The following CENPP variants were observed in gnomAD, a reference collection of about 807,000 sequenced individuals.
CENPP encodes the protein centromere protein P.
A neutral mutation model predicts 35.6 loss-of-function variants in CENPP; 24 were observed. The observed-to-expected ratio is 0.67, with a 90% CI of 0.49 to 0.95. The LOEUF (loss-of-function observed/expected upper bound fraction) is 0.95. CENPP is among the 40% of genes least tolerant of loss of function. The pLI, the probability that CENPP is intolerant of heterozygous loss-of-function variation, is 0.00. For synonymous variants in CENPP, 120 were observed against 125.5 expected (o/e 0.96, Z 0.29); for missense variants, 332 against 345.3 (o/e 0.96, Z 0.31).
chr9:92,337,334 A>C (rs1840962985), intron 2 of CENPP, among the ~76,000 whole-genome samples: 2 of 152,168 alleles, frequency 1.3e-5, no homozygotes. Flanking sequence ...AAAAAAAAGA[A>C]AACTAGAAAC....
At chr9:92,580,252 T>C (rs1378330722) in intron 5 of CENPP, among the ~76,000 whole-genome samples, 1 of 152,102 alleles carries the variant, frequency 6.6e-6, no homozygotes, top group African/African-American at 2.4e-5. Flanking sequence ...AGGATATTGG[T>C]CTAAAATTCT....
Position 92,571,907 on chromosome 9 carries a change from C to CTTTTTTTTTT in CENPP, c.565-39399_565-39390dup, listed in dbSNP as rs145507230. Among the ~76,000 whole-genome samples, 2 of 127,140 alleles carry CTTTTTTTTTT rather than the reference C, an allele frequency of 1.6e-5. 1 individual carries two copies. Among genetic ancestry groups the CTTTTTTTTTT allele is most frequent in the African/African-American group, 6.2e-5 (2 of 32,316 alleles). The allele number at this position is 127,140 out of a possible 152,430, so 83.4% of individuals were successfully genotyped here. A position where few individuals can be genotyped will look rare whatever the true frequency, so the allele number is the denominator to read the frequency against. ...ATCAGCAACTAGGATTGCAACTCCTCTTTTTTTTTTTTTTTTTGTTTTCCA... is the reference window on the plus strand; with the variant it reads ...ATCAGCAACTAGGATTGCAACTCCTCTTTTTTTTTTTTTTTTTTTTTTTTTTTGTTTTCCA... On this transcript the variant is annotated intron_variant, in intron 5 of 7. Transcript: ENST00000375587.
intron 5 of CENPP, among the ~76,000 whole-genome samples, chr9:92,602,794 G>A (rs552802896): frequency 6.7e-5 from 10 of 148,472 alleles, no homozygotes; most frequent in Admixed American, 1.3e-4. Flanking sequence ...CATTCTCCTC[G>A]TATACTGTTT....
intron 5 of CENPP, among the ~76,000 whole-genome samples, chr9:92,592,010 A>T (rs897980844): frequency 1.3e-5 from 2 of 152,162 alleles, no homozygotes; most frequent in Non-Finnish European, 2.9e-5. Context: ...ATATGTAACT[A>T]ACCTGCACAT....
At chr9:92,459,198 GTCTA>G (rs1845000668) in intron 5 of CENPP, among the ~76,000 whole-genome samples, 1 of 152,176 alleles carries the variant, frequency 6.6e-6, no homozygotes, top group African/African-American at 2.4e-5. Flanking sequence ...AAATATACAT[GTCTA>G]TCCTAGCACC....
intron 5 of CENPP, among the ~76,000 whole-genome samples, chr9:92,459,014 T>C (rs1244583469): frequency 6.6e-6 from 1 of 152,210 alleles, no homozygotes; most frequent in Non-Finnish European, 1.5e-5. Context: ...TCTAAATCTT[T>C]ATTAGATTCT....
rs894861664 is a variant in CENPP, at chr9:92,358,086, G to C, written c.467+12299G>C. Among the ~76,000 whole-genome samples the C allele has an allele frequency of 4.6e-5, 7 of 150,966 alleles. No homozygotes were observed. In the East Asian group the frequency reaches 1.4e-3, roughly 29 times the overall value. On this transcript the variant is annotated intron_variant, in intron 4 of 7. Transcript: ENST00000375587. ...CATCTTGGAGTTCTTTGAGTCTCTT[G>C]GATGTTTTATATTCATATCTTTCAT...
chr9:92,419,177 C>A (rs1413141588), intron 5 of CENPP, among the ~76,000 whole-genome samples: 1 of 151,930 alleles, frequency 6.6e-6, no homozygotes, highest in African/African-American at 2.4e-5. Flanking sequence ...AGATGAGAAG[C>A]CTGAAACCTA....
chr9:92,434,477 A>G (rs190132822), intron 5 of CENPP, among the ~76,000 whole-genome samples: 1 of 152,320 alleles, frequency 6.6e-6, no homozygotes, highest in African/African-American at 2.4e-5. Context: ...TGCATGCTGA[A>G]AACTGCAAAC....
At chr9:92,537,447 G>A (rs1324975729) in intron 5 of CENPP, among the ~76,000 whole-genome samples, 1 of 152,124 alleles carries the variant, frequency 6.6e-6, no homozygotes, top group Non-Finnish European at 1.5e-5. Flanking sequence ...GATCACCTGA[G>A]GTTAGGAGTT....
At chr9:92,359,052 C>T (rs571402338) in intron 4 of CENPP, among the ~76,000 whole-genome samples, 7 of 150,124 alleles carry the variant, frequency 4.7e-5, no homozygotes, top group South Asian at 2.1e-4. Context: ...CAGGTTCAAG[C>T]GATTCTCCTG....
At chr9:92,513,939 A>C (rs1473183944) in intron 5 of CENPP, among the ~76,000 whole-genome samples, 1 of 152,234 alleles carries the variant, frequency 6.6e-6, no homozygotes, top group African/African-American at 2.4e-5. Context: ...ATTTTTAAGA[A>C]ACATCAGTAG....
At chr9:92,381,203 C>A (rs559309471) in intron 5 of CENPP, among the ~76,000 whole-genome samples, 11 of 152,244 alleles carry the variant, frequency 7.2e-5, no homozygotes, top group Admixed American at 2.6e-4. Context: ...ATTCTAGGTA[C>A]CTCATATATG....
chr9:92,426,480 CTG>C (rs1843970454), intron 5 of CENPP, among the ~76,000 whole-genome samples: 1 of 152,080 alleles, frequency 6.6e-6, no homozygotes, highest in Non-Finnish European at 1.5e-5. Context: ...GTGAAAGTCT[CTG>C]TTATAGAGAA....
At chr9:92,486,782 A>AT (rs5899162) in intron 5 of CENPP, among the ~76,000 whole-genome samples, 4,934 of 138,680 alleles carry the variant, frequency 0.036, 122 homozygotes, top group South Asian at 0.083. Flanking sequence ...GCATGTGTCA[A>AT]TTTTTTTTTT....
intron 5 of CENPP, among the ~76,000 whole-genome samples, chr9:92,535,538 T>C (rs1328684006): frequency 1.3e-5 from 2 of 152,278 alleles, no homozygotes; most frequent in East Asian, 3.8e-4. Context: ...TTTAAAAATA[T>C]TAATTTAGAA....
intron 5 of CENPP, among the ~76,000 whole-genome samples, chr9:92,391,422 T>A (rs933918902): frequency 1.3e-4 from 19 of 150,710 alleles, no homozygotes; most frequent in South Asian, 4.2e-4. Context: ...ATAAATAAAT[T>A]AAATTAAATT....
At chr9:92,480,966 T>C (rs543843099) in intron 5 of CENPP, among the ~76,000 whole-genome samples, 6 of 152,350 alleles carry the variant, frequency 3.9e-5, no homozygotes, top group African/African-American at 1.4e-4. Flanking sequence ...CCTTAAAAAG[T>C]AGTTAATTTT....
chr9:92,564,468 A>G (rs138568223), intron 5 of CENPP, among the ~76,000 whole-genome samples: 49 of 152,276 alleles, frequency 3.2e-4, no homozygotes, highest in African/African-American at 1.1e-3. Context: ...GGAATTCAAG[A>G]TATCATTAGG....
Sources: gnomAD v4.1 joint callset for allele counts (sites outside exome capture counted in the v4.1 genomes callset) on GRCh38, gnomAD v4.1.1 for gene constraint, MANE v1.5 for transcripts, NCBI Gene and HGNC (gene_info 2026-07-23, HGNC 2026-07-21) for gene names.